The following SFSWAP variants were observed in gnomAD, a reference collection of about 807,000 sequenced individuals.
The protein encoded by SFSWAP is splicing factor SWAP.
SFSWAP carries 17 observed loss-of-function variants against 100.7 expected under a neutral mutation model. That is an observed-to-expected ratio of 0.17 (90% CI 0.12 to 0.25). SFSWAP has a LOEUF of 0.25. SFSWAP is among the 10% of genes least tolerant of loss of function. SFSWAP has a pLI of 1.00. For missense variants in SFSWAP, 1,005 were observed against 1,262.6 expected (o/e 0.80, Z 3.09); for synonymous variants, 504 against 510.1 (o/e 0.99, Z 0.16).
At chr12:131,772,017 C>A (rs529640265) in intron 13 of SFSWAP, among the ~76,000 whole-genome samples, 4 of 152,274 alleles carry the variant, frequency 2.6e-5, no homozygotes, top group African/African-American at 9.6e-5. Context: ...TTTCCCTTAG[C>A]CTGGGCCCAT....
chr12:131,770,998 C>A (rs1045643218), intron 13 of SFSWAP, among the ~76,000 whole-genome samples: 14 of 152,226 alleles, frequency 9.2e-5, no homozygotes, highest in African/African-American at 2.9e-4. Flanking sequence ...TCCAGCCATG[C>A]AGCAGCCGCA....
intron 7 of SFSWAP, among the ~76,000 whole-genome samples, chr12:131,747,028 C>T (rs1167552584): frequency 2.0e-5 from 3 of 147,606 alleles, no homozygotes; most frequent in Non-Finnish European, 3.0e-5. Context: ...GGCATCAACC[C>T]GGGAGGCAGA....
At chr12:131,731,229 T>TA (rs1291216896) in intron 7 of SFSWAP, among the ~76,000 whole-genome samples, 1 of 152,230 alleles carries the variant, frequency 6.6e-6, no homozygotes, top group African/African-American at 2.4e-5. Context: ...GGCGTGGCGT[T>TA]ACGTCGGGTC....
At chr12:131,742,528 G>A (rs116461779) in intron 7 of SFSWAP, among the ~76,000 whole-genome samples, 1 of 151,966 alleles carries the variant, frequency 6.6e-6, no homozygotes, top group African/African-American at 2.4e-5. Flanking sequence ...CATTTTGGTA[G>A]TTTCCCAGTT....
At chr12:131,747,031 G>A (rs972342364) in intron 7 of SFSWAP, among the ~76,000 whole-genome samples, 2 of 149,030 alleles carry the variant, frequency 1.3e-5, no homozygotes, top group Non-Finnish European at 3.0e-5. Flanking sequence ...ATCAACCCGG[G>A]AGGCAGAGCT....
Position 131,711,138 on chromosome 12 carries a change from G to A in SFSWAP, c.-92G>A. ...GGTGTTGAGGTTGGGTACGGGATGC[G>A]GGGTCTTTGACTGAAGGGGTAGGCC... On this transcript the variant is annotated 5_prime_UTR_variant, in exon 1 of 18. Coordinates refer to ENST00000261674, the MANE Select transcript of SFSWAP (RefSeq NM_004592.4). The surrounding 1 kb of genome is among the most constrained non-coding windows in gnomAD (Gnocchi z 4.9). The A allele has an allele frequency of 2.9e-6, 3 of 1,038,234 alleles. No individual in the cohort carries two copies. The highest frequency in any genetic ancestry group is 1.6e-5 in the South Asian group (1 of 60,836). The allele number at this position is 1,038,234 out of a possible 1,614,324, so 64.3% of individuals were successfully genotyped here.
At chr12:131,760,635 C>T (rs977649820) in intron 11 of SFSWAP, among the ~76,000 whole-genome samples, 2 of 151,914 alleles carry the variant, frequency 1.3e-5, no homozygotes, top group African/African-American at 2.4e-5. Context: ...CATGGATGTT[C>T]GTTGTAGGGC....
intron 8 of SFSWAP, among the ~76,000 whole-genome samples, chr12:131,753,891 C>A (rs988539249): frequency 6.6e-6 from 1 of 152,134 alleles, no homozygotes; most frequent in East Asian, 1.9e-4. Context: ...ATGAGACAGG[C>A]GCTTTACCAG....
At chr12:131,749,206 G>A (rs940351883) in intron 7 of SFSWAP, among the ~76,000 whole-genome samples, 2 of 152,214 alleles carry the variant, frequency 1.3e-5, no homozygotes, top group Non-Finnish European at 2.9e-5. Flanking sequence ...GGTGGATTCT[G>A]TGCATTTTCC....
At chr12:131,797,667 C>G (rs1449766962) in intron 16 of SFSWAP, among the ~76,000 whole-genome samples, 1 of 152,252 alleles carries the variant, frequency 6.6e-6, no homozygotes. Context: ...GCACACTGGG[C>G]TGTGCAATGA....
intron 1 of SFSWAP, 104 bp from the exon 2 acceptor site, chr12:131,713,967 G>C: frequency 1.5e-6 from 1 of 651,506 alleles, no homozygotes; most frequent in South Asian, 4.8e-5. Flanking sequence ...TATTTTAATC[G>C]GTAAGTATGT....
chr12:131,756,817 C>T (rs76045580), intron 11 of SFSWAP, 173 bp downstream of exon 11: 15,185 of 597,590 alleles, frequency 0.025, 294 homozygotes, highest in East Asian at 0.043. Context: ...ATGCTTGCCT[C>T]GCGTGGCATT....
rs922465624 is a variant in SFSWAP at position 131,786,489 on chromosome 12, G to A, written c.2435G>A (p.Arg812Lys). The A allele has an allele frequency of 4.5e-5, 72 of 1,586,852 alleles. No homozygotes were observed. The highest frequency in any genetic ancestry group is 5.7e-5 in the Non-Finnish European group (67 of 1,167,670). The change falls in exon 15 of 18, where the codon AGA becomes AAA. Residue 812 changes from arginine (R) to lysine (K), a missense_variant. Physicochemically the swap from Arg to Lys is conservative, Grantham distance 26. Coordinates refer to ENST00000261674, the MANE Select transcript of SFSWAP (RefSeq NM_004592.4). ...SRSRSRSPRR[R>K]AHSPERRREE... ...TCCCGCTCCCGGTCCCCTCGGAGGA[G>A]AGCCCACTCCCCTGAGAGACGGAGG... is the stretch of plus-strand genomic sequence containing the variant.
chr12:131,729,112 G>A (rs895541000), intron 7 of SFSWAP, among the ~76,000 whole-genome samples: 1 of 152,168 alleles, frequency 6.6e-6, no homozygotes, highest in Admixed American at 6.5e-5. Flanking sequence ...TGGGGCCTCC[G>A]TTAAACACGT....
intron 15 of SFSWAP, among the ~76,000 whole-genome samples, chr12:131,788,434 G>A (rs564219490): frequency 2.3e-4 from 35 of 152,286 alleles, no homozygotes; most frequent in African/African-American, 8.2e-4. Context: ...AGGTGAATAC[G>A]TGTGTAATTA....
chr12:131,736,008 G>A (rs530559155), intron 7 of SFSWAP, among the ~76,000 whole-genome samples: 7 of 152,306 alleles, frequency 4.6e-5, no homozygotes, highest in East Asian at 1.9e-4. Context: ...CTGAAGAGAC[G>A]CGCCTTCTCC....
chr12:131,777,057 G>A (rs977157144), intron 13 of SFSWAP, among the ~76,000 whole-genome samples: 5 of 152,120 alleles, frequency 3.3e-5, no homozygotes, highest in South Asian at 2.1e-4. Context: ...GAGTAGTGCC[G>A]ATACTCATTT....
At chr12:131,789,193 G>A (rs1885089091) in intron 15 of SFSWAP, among the ~76,000 whole-genome samples, 1 of 152,058 alleles carries the variant, frequency 6.6e-6, no homozygotes, top group Admixed American at 6.6e-5. Flanking sequence ...TGTTGCCCAG[G>A]ATGGTCTCAA....
At position 131,725,932 on chromosome 12, in the gene SFSWAP, A is replaced by C. The variant is rs1878922520; in HGVS notation, c.832+302A>C. ...ATTTTTGCCCTCATTTTGCCCACTT[A>C]ACATTTCATAGAGAAAACAGTTATA... is the stretch of plus-strand genomic sequence containing the variant. On this transcript the variant is annotated intron_variant, in intron 5 of 17. Transcript: ENST00000261674. This position sits in a 1 kb window ranked among gnomAD's most constrained non-coding sequence, Gnocchi z 4.3. Among the ~76,000 whole-genome samples, 1 of 152,214 alleles carries C rather than the reference A, an allele frequency of 6.6e-6. No individual in the cohort carries two copies. Among genetic ancestry groups the C allele is most frequent in the Admixed American group, 6.6e-5 (1 of 15,266 alleles).
Sources: allele counts gnomAD v4.1 joint callset (sites outside exome capture counted in the v4.1 genomes callset), GRCh38; gene constraint gnomAD v4.1.1; non-coding constraint Gnocchi (gnomAD v3.1); transcripts MANE v1.5; gene names NCBI Gene and HGNC (gene_info 2026-07-23, HGNC 2026-07-21).